Variants in MAP4 observed in about 807,000 individuals in gnomAD.
MAP4 encodes the protein microtubule associated protein 4.
Under a neutral mutation model 170.2 loss-of-function variants are expected in MAP4, and 76 were observed. The ratio of observed to expected loss-of-function variants is 0.45; its 90% CI spans 0.37 to 0.54. The LOEUF (loss-of-function observed/expected upper bound fraction) is 0.54, where lower values mean the gene tolerates loss of function less well. Ranked by LOEUF, MAP4 falls within the 20% of genes least tolerant of loss-of-function variation. The pLI is 0.00. For synonymous variants in MAP4, 909 were observed against 994.5 expected, an observed-to-expected ratio of 0.91 and a Z score of 1.62; for missense variants, 2,506 against 2,748.0, an observed-to-expected ratio of 0.91 and a Z score of 1.97.
intron 10 of MAP4, chr3:47,890,940 T>C: frequency 8.6e-7 from 1 of 1,164,524 alleles, no homozygotes; most frequent in Non-Finnish European, 1.2e-6. Flanking sequence ...AAAAAGCTGC[T>C]TAGTGCTCTG....
chr3:48,008,990 G>A (rs1430602989), intron 1 of MAP4, among the ~76,000 whole-genome samples: 2 of 152,198 alleles, frequency 1.3e-5, no homozygotes, highest in Non-Finnish European at 2.9e-5. Context: ...AAGGGCAGAG[G>A]ATTGTCCTCA....
intron 10 of MAP4, among the ~76,000 whole-genome samples, chr3:47,898,403 G>A (rs539911181): frequency 3.9e-5 from 6 of 152,170 alleles, no homozygotes; most frequent in African/African-American, 1.2e-4. Flanking sequence ...CCGGGAGGCT[G>A]AGGCAGGAGA....
intron 3 of MAP4, among the ~76,000 whole-genome samples, chr3:47,930,037 G>C (rs2100048553): frequency 6.6e-6 from 1 of 152,210 alleles, no homozygotes; most frequent in South Asian, 2.1e-4. Flanking sequence ...GGCTGAGGCA[G>C]GATAATCACC....
intron 1 of MAP4, among the ~76,000 whole-genome samples, chr3:48,067,143 A>G (rs894464772): frequency 6.6e-5 from 10 of 151,840 alleles, no homozygotes; most frequent in African/African-American, 2.4e-4. Context: ...CCCAGCCTCT[A>G]ATTCCTTAAA....
At chr3:47,992,497 C>T (rs1294383602) in intron 2 of MAP4, among the ~76,000 whole-genome samples, 2 of 152,050 alleles carry the variant, frequency 1.3e-5, no homozygotes, top group African/African-American at 2.4e-5. Context: ...GCTTTTATGG[C>T]TCACTGCAGC....
Position 47,871,284 on chromosome 3 carries a change from T to C in MAP4, c.5944A>G (p.Ile1982Val), listed in dbSNP as rs778493160. 3 of 1,612,924 alleles carry C rather than the reference T, an allele frequency of 1.9e-6. No homozygotes were observed. In the South Asian group the frequency reaches 3.3e-5, roughly 18 times the overall value. ...TCTGCAGGTTTTCCCTCAGTCTTAA[T>C]GGCTGTACAAAATATACTTATTAAT... ...STLLPKKPTA[I>V]KTEGKPAEVK... The change falls in exon 14 of 21, where the codon ATT (isoleucine) becomes GTT (valine). Residue 1982 changes from isoleucine (I) to valine (V), a missense_variant and splice_region_variant. Ile to Val is a conservative substitution (Grantham distance 29). Coordinates refer to ENST00000683076, the MANE Select transcript of MAP4 (RefSeq NM_001385682.1).
chr3:48,070,210 T>C (rs2100140285), intron 1 of MAP4, among the ~76,000 whole-genome samples: 1 of 151,728 alleles, frequency 6.6e-6, no homozygotes, highest in Non-Finnish European at 1.5e-5. Flanking sequence ...TTTCTTTTTT[T>C]TTCTCCCTCC....
chr3:47,884,480 A>G (rs1051640695), intron 10 of MAP4, among the ~76,000 whole-genome samples: 2 of 152,088 alleles, frequency 1.3e-5, no homozygotes, highest in Admixed American at 1.3e-4. Context: ...CCCTGTTTAT[A>G]TTTAGTCTAC....
At chr3:47,993,591 C>T (rs2100093661) in intron 2 of MAP4, among the ~76,000 whole-genome samples, 1 of 152,180 alleles carries the variant, frequency 6.6e-6, no homozygotes, top group Non-Finnish European at 1.5e-5. Flanking sequence ...AAGAGCAGAG[C>T]TTTCGATGTA....
At chr3:47,948,530 T>C (rs1040691148) in intron 3 of MAP4, among the ~76,000 whole-genome samples, 21 of 152,110 alleles carry the variant, frequency 1.4e-4, no homozygotes, top group African/African-American at 4.8e-4. Context: ...CAACCCATAA[T>C]TGTGACCTAT....
At chr3:48,001,970 AG>A (rs1340735533) in intron 1 of MAP4, among the ~76,000 whole-genome samples, 3 of 152,038 alleles carry the variant, frequency 2.0e-5, no homozygotes, top group African/African-American at 7.2e-5. Flanking sequence ...TCCACCTCCC[AG>A]GTTCATGCGA....
intron 4 of MAP4, among the ~76,000 whole-genome samples, chr3:47,925,841 GTAGA>G (rs1405338316): frequency 5.3e-5 from 8 of 152,146 alleles, no homozygotes; most frequent in Non-Finnish European, 2.9e-5. Flanking sequence ...AGATAGGTAA[GTAGA>G]TAGAGTACAA....
At chr3:47,962,432 A>T (rs2100072146) in intron 3 of MAP4, among the ~76,000 whole-genome samples, 1 of 152,158 alleles carries the variant, frequency 6.6e-6, no homozygotes. Flanking sequence ...ATATGCAATC[A>T]GCTTTGGGGG....
chr3:48,000,543 T>G (rs956991647), intron 1 of MAP4, among the ~76,000 whole-genome samples: 2 of 152,010 alleles, frequency 1.3e-5, no homozygotes, highest in Middle Eastern at 3.2e-3. Flanking sequence ...TAGAGTTGGG[T>G]CAATCAGAAG....
chr3:47,883,722 G>C (rs140256170), intron 10 of MAP4, among the ~76,000 whole-genome samples: 1 of 152,012 alleles, frequency 6.6e-6, no homozygotes, highest in East Asian at 1.9e-4. Flanking sequence ...CTGATGGATT[G>C]TTTTACCAAA....
Position 47,855,277 on chromosome 3 carries a change from C to G in MAP4, c.6667G>C (p.Gly2223Arg). ...ACAGCACCTCCTGCAGGTAGGTGGC[C>G]CACATTATCGAGGGATCCCACCTTG... is the stretch of plus-strand genomic sequence containing the variant. Reference protein sequence around the residue: ...QAKVGSLDNVGHLPAGGAVKT... With the variant: ...QAKVGSLDNVRHLPAGGAVKT... The change falls in exon 19 of 21, where the codon GGC becomes CGC. Residue 2223 changes from glycine (G) to arginine (R), a missense_variant. Physicochemically the swap from Gly to Arg is moderately radical, Grantham distance 125. Around this residue, in one of 3 missense-constraint regions of MAP4, gnomAD observed 487 missense variants for 511.6 expected, o/e 0.95. Transcript: ENST00000683076. The surrounding 1 kb of genome is among the most constrained non-coding windows in gnomAD (Gnocchi z 5.1). 6.2e-7 allele frequency: 1 copy of G among 1,614,042 alleles called. No individual in the cohort carries two copies. The highest frequency in any genetic ancestry group is 1.7e-4 in the Middle Eastern group (1 of 6,060).
intron 1 of MAP4, among the ~76,000 whole-genome samples, chr3:48,080,651 G>A (rs374930761): frequency 4.6e-5 from 7 of 152,008 alleles, no homozygotes; most frequent in African/African-American, 1.4e-4. Context: ...ATTCAAGACC[G>A]GCCTGAGCAA....
At chr3:47,928,822 G>A (rs2100047670) in intron 3 of MAP4, among the ~76,000 whole-genome samples, 3 of 147,448 alleles carry the variant, frequency 2.0e-5, no homozygotes, top group Admixed American at 2.0e-4. Flanking sequence ...CAGGGAGCTG[G>A]AATTAAAAAA....
chr3:47,997,326 TAAAAAAAAAA>T, intron 2 of MAP4, among the ~76,000 whole-genome samples: 1 of 44,986 alleles, frequency 2.2e-5, no homozygotes, highest in South Asian at 7.4e-4. Flanking sequence ...TTTAAACTGC[TAAAAAAAAAA>T]AAAAAAAAAG....
Sources: allele counts gnomAD v4.1 joint callset (sites outside exome capture counted in the v4.1 genomes callset), GRCh38; gene constraint gnomAD v4.1.1; regional missense constraint gnomAD v4.1.1; non-coding constraint Gnocchi (gnomAD v3.1); transcripts MANE v1.5; gene names NCBI Gene and HGNC (gene_info 2026-07-23, HGNC 2026-07-21).